UGT1A5: variants seen among roughly 807,000 people sequenced by gnomAD.
UGT1A5 encodes the protein UDP-glucuronosyltransferase 1A5.
A neutral mutation model predicts 40.3 loss-of-function variants in UGT1A5; 29 were observed. The ratio of observed to expected loss-of-function variants is 0.72; its 90% CI spans 0.54 to 0.98. UGT1A5 has a LOEUF of 0.98. UGT1A5 is among the 50% of genes least tolerant of loss of function. The pLI is 0.00. For synonymous variants in UGT1A5, 257 were observed against 262.5 expected, an observed-to-expected ratio of 0.98 and a Z score of 0.20; for missense variants, 678 against 677.9, an observed-to-expected ratio of 1.00 and a Z score of 0.00.
chr2:233,736,451 C>T (rs1167369178), intron 1 of UGT1A5, among the ~76,000 whole-genome samples: 3 of 152,120 alleles, frequency 2.0e-5, no homozygotes, highest in Non-Finnish European at 2.9e-5. Context: ...GCAATAGGTT[C>T]GAACATGCAC....
Position 233,737,292 on chromosome 2 carries a change from G to A in UGT1A5, c.867+23434G>A, listed in dbSNP as rs573133918. On this transcript the variant is annotated intron_variant, in intron 1 of 4. Transcript: ENST00000373414. ...ACACCCCTCACCCAGCCAGGCTGCC[G>A]CCTCACAGTTCAATCTCAGACTGCT... Among the ~76,000 whole-genome samples, 15 of 152,312 alleles carry A rather than the reference G, an allele frequency of 9.8e-5. No homozygotes were observed. The East Asian group carries it at 1.7e-3, about 18-fold the overall frequency.
chr2:233,748,696 G>A (rs1384133711), intron 1 of UGT1A5, among the ~76,000 whole-genome samples: 1 of 151,680 alleles, frequency 6.6e-6, no homozygotes, highest in Non-Finnish European at 1.5e-5. Context: ...GATTTTTCTG[G>A]TCAGGATTTG....
At chr2:233,718,970 G>A (rs45510694) in intron 1 of UGT1A5, 3 of 1,614,194 alleles carry the variant, frequency 1.9e-6, no homozygotes, top group African/African-American at 1.3e-5. Context: ...CCTTGCGGGA[G>A]CTCCATGCCA....
At chr2:233,734,382 A>G (rs189270285) in intron 1 of UGT1A5, among the ~76,000 whole-genome samples, 35 of 152,082 alleles carry the variant, frequency 2.3e-4, no homozygotes, top group Admixed American at 1.0e-3. Context: ...TGCCTTTACT[A>G]TTTTTTATTG....
At chr2:233,747,148 TGAA>T in intron 1 of UGT1A5, 1 of 1,570,870 alleles carries the variant, frequency 6.4e-7, no homozygotes, top group South Asian at 1.2e-5. Context: ...GTAATTAAGA[TGAA>T]GAAAACAAAT....
chr2:233,748,135 T>C (rs1220195478), intron 1 of UGT1A5: 2 of 1,609,160 alleles, frequency 1.2e-6, no homozygotes, highest in South Asian at 1.1e-5. Flanking sequence ...TTTTTAAAAA[T>C]TGTATTTACT....
chr2:233,729,342 G>T (rs368262266), intron 1 of UGT1A5: 19 of 1,614,080 alleles, frequency 1.2e-5, no homozygotes, highest in Admixed American at 6.7e-5. Context: ...TCAAAGAAGA[G>T]AACTTTTTCA....
intron 1 of UGT1A5, among the ~76,000 whole-genome samples, chr2:233,717,070 C>T (rs1164354349): frequency 2.0e-5 from 3 of 152,106 alleles, no homozygotes; most frequent in South Asian, 4.2e-4. Context: ...GTGCCAGACA[C>T]GTAACCAGAA....
intron 2 of UGT1A5, among the ~76,000 whole-genome samples, 197 bp downstream of exon 2, chr2:233,767,362 A>G (rs916672959): frequency 6.6e-6 from 1 of 152,144 alleles, no homozygotes; most frequent in Non-Finnish European, 1.5e-5. Context: ...CAAATACTCT[A>G]TTAAACTATG....
Position 233,713,230 on chromosome 2 carries a change from A to G in UGT1A5, c.239A>G (p.Tyr80Cys), listed in dbSNP as rs747842946. 8.7e-6 allele frequency: 14 copies of G among 1,614,276 alleles called. No individual in the cohort carries two copies. The highest frequency in any genetic ancestry group is 1.7e-5 in the Admixed American group (1 of 60,034). ...GAGAACTTTTTCACCCTGACAACGT[A>G]TGCCATTTCATGGACCCAGGACGAA... Reference protein sequence around the residue: ...KEENFFTLTTYAISWTQDEFD... With the variant: ...KEENFFTLTTCAISWTQDEFD... Residue 80 changes from tyrosine to cysteine, a missense_variant, in exon 1 of 5, where the codon TAT becomes TGT. Tyr to Cys is a radical substitution (Grantham distance 194). Transcript: ENST00000373414.
At chr2:233,748,079 G>T in intron 1 of UGT1A5, 1 of 1,613,192 alleles carries the variant, frequency 6.2e-7, no homozygotes. Context: ...CACTATCTCA[G>T]GTCGGTGTTC....
intron 1 of UGT1A5, among the ~76,000 whole-genome samples, chr2:233,714,532 T>A (rs1427036802): frequency 1.3e-5 from 2 of 152,206 alleles, no homozygotes; most frequent in African/African-American, 4.8e-5. Flanking sequence ...CTTCATGGTC[T>A]AATACCGAAG....
Position 233,768,582 on chromosome 2 carries a change from C to T in UGT1A5, c.1307+143C>T, listed in dbSNP as rs1179813397. On this transcript the variant is annotated intron_variant, in intron 4 of 4. Transcript: ENST00000373414. ...ATAAAAATCTGGATTTTTATTTCTT[C>T]TTTTTTTTTTTTTTTTTTTTTTGAG... 4.6e-4 allele frequency: 475 copies of T among 1,032,668 alleles called. No homozygotes were observed. In the East Asian group the frequency reaches 5.3e-3, roughly 12 times the overall value. The allele number at this position is 1,032,668 out of a possible 1,614,324, so 64.0% of individuals were successfully genotyped here.
rs540500479 is a variant in UGT1A5 at position 233,771,122 on chromosome 2, G to A, written c.1308-1140G>A. On this transcript the variant is annotated intron_variant, in intron 4 of 4. Coordinates refer to ENST00000373414, the MANE Select transcript of UGT1A5 (RefSeq NM_019078.2). ...GACAGCACTAAAGCACAAGGGATCCGACCCCATGATCCAAACACCTCCCAC... is the reference window on the plus strand; with the variant it reads ...GACAGCACTAAAGCACAAGGGATCCAACCCCATGATCCAAACACCTCCCAC... 7.1e-4 allele frequency: 108 copies of A among 152,186 alleles called. 1 individual carries two copies. The highest frequency in any genetic ancestry group is 2.5e-3 in the African/African-American group (104 of 41,518). 9.4% of individuals were successfully genotyped at this position (152,186 alleles called of 1,614,324 possible). A position where few individuals can be genotyped will look rare whatever the true frequency, so the allele number is the denominator to read the frequency against.
intron 1 of UGT1A5, among the ~76,000 whole-genome samples, chr2:233,758,825 C>CA: frequency 6.6e-6 from 1 of 152,232 alleles, no homozygotes. Flanking sequence ...ATATCCCCCC[C>CA]AAAAAGAGTG....
intron 1 of UGT1A5, among the ~76,000 whole-genome samples, chr2:233,766,114 G>A (rs1214540183): frequency 6.6e-6 from 1 of 152,178 alleles, no homozygotes; most frequent in Non-Finnish European, 1.5e-5. Flanking sequence ...CTGGGGGCTT[G>A]CCTTGGTGTA....
At chr2:233,726,238 A>G (rs935075477) in intron 1 of UGT1A5, among the ~76,000 whole-genome samples, 11 of 152,220 alleles carry the variant, frequency 7.2e-5, no homozygotes, top group East Asian at 3.8e-4. Context: ...TAAAACTCCA[A>G]TATGAAAAGC....
At chr2:233,758,352 G>C (rs141624801) in intron 1 of UGT1A5, among the ~76,000 whole-genome samples, 5 of 152,316 alleles carry the variant, frequency 3.3e-5, no homozygotes, top group Middle Eastern at 3.4e-3. Context: ...GCATGATGCA[G>C]GAAAGTCATA....
At chr2:233,738,159 T>C (rs1033238809) in intron 1 of UGT1A5, among the ~76,000 whole-genome samples, 2 of 152,228 alleles carry the variant, frequency 1.3e-5, no homozygotes, top group African/African-American at 4.8e-5. Context: ...GCTATTCCTC[T>C]TTCTCTCTTT....
Sources: allele counts gnomAD v4.1 joint callset (sites outside exome capture counted in the v4.1 genomes callset), GRCh38; gene constraint gnomAD v4.1.1; transcripts MANE v1.5; gene names NCBI Gene and HGNC (gene_info 2026-07-23, HGNC 2026-07-21).